Variants in TADA3 observed in about 807,000 individuals in gnomAD.
TADA3 encodes the protein transcriptional adaptor 3.
A neutral mutation model predicts 43.2 loss-of-function variants in TADA3; 25 were observed. The ratio of observed to expected loss-of-function variants is 0.58; its 90% CI spans 0.42 to 0.81. TADA3 has a LOEUF of 0.81. Ranked by LOEUF, TADA3 falls within the 30% of genes least tolerant of loss-of-function variation. The pLI is 0.00. For missense variants in TADA3, 441 were observed against 567.8 expected, an observed-to-expected ratio of 0.78 and a Z score of 2.27; for synonymous variants, 235 against 225.5, an observed-to-expected ratio of 1.04 and a Z score of -0.38.
chr3:9,791,272 C>T lies in TADA3; in HGVS notation c.195G>A (p.Glu65=), dbSNP rs746365088. The change falls in exon 2 of 9, where the codon GAG becomes GAA. Residue 65 remains glutamate (E), a synonymous_variant. Coordinates refer to ENST00000301964, the MANE Select transcript of TADA3 (RefSeq NM_006354.5). ...CTGGGGTTATCACCTGGGTTTCGGCCTCAAGCACACGCAGGCGCCGGCTGG... is the reference window on the plus strand; with the variant it reads ...CTGGGGTTATCACCTGGGTTTCGGCTTCAAGCACACGCAGGCGCCGGCTGG... ...SSASRRLRVL[E]AETQILTDWQ... 5.6e-6 allele frequency: 9 copies of T among 1,612,330 alleles called. No homozygotes were observed. Among genetic ancestry groups the T allele is most frequent in the Non-Finnish European group, 7.6e-6 (9 of 1,179,774 alleles).
intron 6 of TADA3, among the ~76,000 whole-genome samples, chr3:9,786,083 C>T (rs1167659976): frequency 2.6e-5 from 4 of 152,098 alleles, no homozygotes; most frequent in Non-Finnish European, 2.9e-5. Context: ...GGACTACAGG[C>T]GCCTGCCACT....
chr3:9,789,630 G>C lies in TADA3; in HGVS notation c.459-16C>G. 6.2e-7 allele frequency: 1 copy of C among 1,613,284 alleles called. No individual in the cohort carries two copies. The highest frequency in any genetic ancestry group is 8.5e-7 in the Non-Finnish European group (1 of 1,179,582). On this transcript the variant is annotated splice_polypyrimidine_tract_variant and intron_variant, in intron 3 of 8. Coordinates refer to ENST00000301964, the MANE Select transcript of TADA3 (RefSeq NM_006354.5). Reference sequence around the variant, plus strand: ...AGCCCAGAACCTGCAGGGAGAAGCAGATCCTGAGTGGGCGCCCCTGCCCCA... The same window carrying C: ...AGCCCAGAACCTGCAGGGAGAAGCACATCCTGAGTGGGCGCCCCTGCCCCA...
At chr3:9,784,628 G>A (rs1412034236) in intron 7 of TADA3, among the ~76,000 whole-genome samples, 1 of 151,988 alleles carries the variant, frequency 6.6e-6, no homozygotes, top group African/African-American at 2.4e-5. Context: ...ACTTTGGAAG[G>A]CCGAGGTGGG....
At position 9,788,497 on chromosome 3, in the gene TADA3, G is replaced by A. The variant is rs528905581; in HGVS notation, c.564+1012C>T. Among the ~76,000 whole-genome samples the A allele has an allele frequency of 5.3e-5, 8 of 149,908 alleles. No individual in the cohort carries two copies. The East Asian group carries it at 7.9e-4, about 15-fold the overall frequency. On this transcript the variant is annotated intron_variant, in intron 4 of 8. Transcript: ENST00000301964. Reference sequence around the variant, plus strand: ...CCTGACCTTGTGATCTGCCCGCCTCGGCCTCCCAAAGGGCTGGGATTACAG... The same window carrying A: ...CCTGACCTTGTGATCTGCCCGCCTCAGCCTCCCAAAGGGCTGGGATTACAG...
Position 9,780,398 on chromosome 3 carries a change from G to C in TADA3, c.1258C>G (p.Leu420Val), listed in dbSNP as rs574551301. The C allele has an allele frequency of 6.2e-7, 1 of 1,613,680 alleles. No individual in the cohort carries two copies. The highest frequency in any genetic ancestry group is 2.2e-5 in the East Asian group (1 of 44,864). Residue 420 changes from leucine (L) to valine (V), a missense_variant, in exon 9 of 9, where the codon CTG becomes GTG. Transcript: ENST00000301964. The part of the protein sequence containing the change: ...KKEKDQAWKT[L>V]KERESILKLL... ...TTCAGGATGCTCTCACGCTCCTTCA[G>C]AGTCTTCCAGGCCTGGTCCTTTTCT...
At chr3:9,781,157 C>T (rs2078451872) in intron 8 of TADA3, among the ~76,000 whole-genome samples, 1 of 151,780 alleles carries the variant, frequency 6.6e-6, no homozygotes, top group Non-Finnish European at 1.5e-5. Flanking sequence ...TAAAAATATA[C>T]ACAGTAGGCT....
chr3:9,784,225 G>A lies in TADA3; in HGVS notation c.921-12C>T, dbSNP rs539897462. On this transcript the variant is annotated splice_polypyrimidine_tract_variant and intron_variant, in intron 7 of 8. Transcript: ENST00000301964. ...TAGTATGCGGCACACTGCAGCGGGA[G>A]GCAGGCCCGTCAGACTCAAGAGCCA... The A allele has an allele frequency of 1.4e-5, 23 of 1,597,278 alleles. No homozygotes were observed. Among genetic ancestry groups the A allele is most frequent in the East Asian group, 4.5e-5 (2 of 44,398 alleles).
intron 4 of TADA3, among the ~76,000 whole-genome samples, chr3:9,788,511 C>T (rs1265922530): frequency 6.6e-6 from 1 of 150,454 alleles, no homozygotes; most frequent in African/African-American, 2.4e-5. Flanking sequence ...TCCCAAAGGG[C>T]TGGGATTACA....
In TADA3 at chr3:9,791,072, C is replaced by G. The variant is rs548288092; in HGVS notation, c.207+188G>C. On this transcript the variant is annotated intron_variant, in intron 2 of 8. Coordinates refer to ENST00000301964, the MANE Select transcript of TADA3 (RefSeq NM_006354.5). ...AATAAAAGCTTACTGAATTAGAAAT[C>G]TTGCAATTTAAGAGGATCATGCATA... 2.0e-5 allele frequency among the ~76,000 whole-genome samples: 3 copies of G among 152,332 alleles called. No individual in the cohort carries two copies. In the East Asian group the frequency reaches 5.8e-4, roughly 29 times the overall value.
At chr3:9,785,274 A>G (rs763351842) in intron 7 of TADA3, 42 bp downstream of exon 7, 1 of 1,506,594 alleles carries the variant, frequency 6.6e-7, no homozygotes, top group South Asian at 1.1e-5. Flanking sequence ...AGCCAACAGA[A>G]GCGGGGGCCA....
At chr3:9,784,279 C>T in intron 7 of TADA3, 66 bp from the exon 8 acceptor site, 2 of 1,534,348 alleles carry the variant, frequency 1.3e-6, no homozygotes, top group Admixed American at 4.0e-5. Flanking sequence ...CTTGGAGGTT[C>T]CCAGGGCTTC....
intron 5 of TADA3, 31 bp downstream of exon 5, chr3:9,787,168 C>T (rs2078634098): frequency 6.8e-6 from 11 of 1,614,168 alleles, no homozygotes; most frequent in Non-Finnish European, 8.5e-6. Flanking sequence ...CAAGTCCTGA[C>T]CTGGGGTTGG....
In TADA3 at chr3:9,784,093, G is replaced by A. The variant is rs2078546713; in HGVS notation, c.1041C>T (p.Arg347=). 6.2e-7 allele frequency: 1 copy of A among 1,614,202 alleles called. No individual in the cohort carries two copies. Among genetic ancestry groups the A allele is most frequent in the Non-Finnish European group, 8.5e-7 (1 of 1,180,024 alleles). ...DSEDEVLAEL[R]KRQAELKALS... ...GTGCCTTCAGCTCAGCCTGCCGTTTGCGAAGCTCAGCAAGGACCTCATCCT... is the reference window on the plus strand; with the variant it reads ...GTGCCTTCAGCTCAGCCTGCCGTTTACGAAGCTCAGCAAGGACCTCATCCT... The change falls in exon 8 of 9, where the codon CGC becomes CGT. Residue 347 remains arginine, a synonymous_variant. Transcript: ENST00000301964.
At chr3:9,788,026 G>T in intron 4 of TADA3, 1 of 293,510 alleles carries the variant, frequency 3.4e-6, no homozygotes, top group Non-Finnish European at 6.7e-6. Context: ...GAGGAAAATG[G>T]AGAGGGGCAC....
intron 8 of TADA3, 143 bp from the exon 9 acceptor site, chr3:9,780,692 T>C: frequency 1.4e-6 from 1 of 714,250 alleles, no homozygotes; most frequent in African/African-American, 1.8e-5. Context: ...AAGCAGTTAC[T>C]GACCTACACT....
intron 4 of TADA3, among the ~76,000 whole-genome samples, 183 bp downstream of exon 4, chr3:9,789,326 G>A (rs188810684): frequency 1.2e-4 from 19 of 152,294 alleles, no homozygotes; most frequent in Admixed American, 3.3e-4. Context: ...CTGGGGTAGA[G>A]GGGAGGCAGT....
intron 8 of TADA3, chr3:9,781,620 A>C: frequency 2.2e-6 from 1 of 455,044 alleles, no homozygotes; most frequent in South Asian, 1.5e-5. Flanking sequence ...ACACCAGATC[A>C]ATCTCTCTGA....
At chr3:9,789,450 TC>T (rs1482777624) in intron 4 of TADA3, 58 bp downstream of exon 4, 1 of 1,499,912 alleles carries the variant, frequency 6.7e-7, no homozygotes, top group Non-Finnish European at 9.2e-7. Context: ...GCTTTACTTC[TC>T]AGGCACCTCT....
At chr3:9,792,640 G>A, upstream of TADA3, 1 of 1,231,168 alleles carries the variant, frequency 8.1e-7, no homozygotes, top group Non-Finnish European at 1.0e-6. Context: ...CCCGGGGCGG[G>A]AGGCGGAGCT....
Sources: allele counts gnomAD v4.1 joint callset (sites outside exome capture counted in the v4.1 genomes callset), GRCh38; gene constraint gnomAD v4.1.1; transcripts MANE v1.5; gene names NCBI Gene and HGNC (gene_info 2026-07-23, HGNC 2026-07-21).